Variants in SNTG2 observed in about 807,000 individuals in gnomAD.
SNTG2 encodes the protein gamma-2-syntrophin.
SNTG2 carries 74 observed loss-of-function variants against 70.9 expected under a neutral mutation model. The observed-to-expected ratio is 1.04, with a 90% CI of 0.86 to 1.27. The LOEUF is 1.27. Among genes scored for constraint, SNTG2 ranks in the 50% most tolerant of loss-of-function variants. The pLI is 0.00. For missense variants in SNTG2, 717 were observed against 690.7 expected (o/e 1.04, Z -0.43); for synonymous variants, 278 against 273.8 (o/e 1.02, Z -0.15).
chr2:1,148,530 C>T (rs1346432160), intron 6 of SNTG2, among the ~76,000 whole-genome samples: 3 of 152,208 alleles, frequency 2.0e-5, no homozygotes, highest in African/African-American at 7.2e-5. Context: ...TGCCTGTGAG[C>T]TCTTCATGCT....
At chr2:1,225,847 A>T (rs971943583) in intron 9 of SNTG2, among the ~76,000 whole-genome samples, 1 of 152,204 alleles carries the variant, frequency 6.6e-6, no homozygotes, top group African/African-American at 2.4e-5. Flanking sequence ...TTGACTCAGG[A>T]GGTGCAGCCC....
At chr2:969,400 A>C (rs1660668999) in intron 1 of SNTG2, among the ~76,000 whole-genome samples, 1 of 151,740 alleles carries the variant, frequency 6.6e-6, no homozygotes, top group African/African-American at 2.4e-5. Context: ...TAATTCTGTG[A>C]AGAATGTCCT....
At chr2:1,228,832 G>A (rs942192894) in intron 9 of SNTG2, among the ~76,000 whole-genome samples, 2 of 152,212 alleles carry the variant, frequency 1.3e-5, no homozygotes, top group Admixed American at 6.5e-5. Flanking sequence ...AGGGCAGCGC[G>A]TCTGGAGTTT....
At chr2:1,206,950 C>A (rs1464477411) in intron 8 of SNTG2, among the ~76,000 whole-genome samples, 6 of 152,188 alleles carry the variant, frequency 3.9e-5, no homozygotes, top group African/African-American at 1.4e-4. Context: ...ACCTTTGAAT[C>A]AGCAACAAGG....
intron 12 of SNTG2, among the ~76,000 whole-genome samples, chr2:1,252,808 T>C (rs1433662920): frequency 6.6e-6 from 1 of 152,140 alleles, no homozygotes; most frequent in African/African-American, 2.4e-5. Flanking sequence ...TGTAAAAGCA[T>C]TTGAATCTAA....
intron 8 of SNTG2, among the ~76,000 whole-genome samples, chr2:1,177,098 G>C (rs1288876855): frequency 1.3e-5 from 2 of 152,144 alleles, no homozygotes. Flanking sequence ...ATCAATGATA[G>C]ACTTGATAAA....
chr2:1,217,609 C>T (rs1179539022), intron 9 of SNTG2, among the ~76,000 whole-genome samples: 2 of 152,178 alleles, frequency 1.3e-5, no homozygotes, highest in African/African-American at 2.4e-5. Context: ...TTAGCATAAC[C>T]ATGCGATCCT....
chr2:1,085,896 T>C (rs559389954), intron 2 of SNTG2, among the ~76,000 whole-genome samples: 9 of 152,350 alleles, frequency 5.9e-5, no homozygotes, highest in Admixed American at 1.3e-4. Context: ...ATGTTGGTAC[T>C]TTGAATTAAT....
chr2:1,052,700 A>G (rs1052168447), intron 1 of SNTG2, among the ~76,000 whole-genome samples: 22 of 152,210 alleles, frequency 1.4e-4, no homozygotes, highest in African/African-American at 4.8e-4. Flanking sequence ...TTTATAGACA[A>G]TTCTGCCATC....
At chr2:1,134,855 C>T (rs891259261) in intron 4 of SNTG2, among the ~76,000 whole-genome samples, 1 of 152,164 alleles carries the variant, frequency 6.6e-6, no homozygotes, top group Admixed American at 6.5e-5. Flanking sequence ...CTGCAGGTCC[C>T]GAGCCCTGCC....
chr2:1,000,265 AAAAT>A (rs1661823031), intron 1 of SNTG2, among the ~76,000 whole-genome samples: 3 of 152,078 alleles, frequency 2.0e-5, no homozygotes, highest in Admixed American at 2.0e-4. Context: ...CTAACAGAAG[AAAAT>A]AAATAAAGAT....
intron 1 of SNTG2, among the ~76,000 whole-genome samples, chr2:1,022,996 G>T (rs1223475515): frequency 6.6e-6 from 1 of 152,160 alleles, no homozygotes; most frequent in East Asian, 1.9e-4. Flanking sequence ...TGTGAGACTG[G>T]CAGCAAATGA....
chr2:967,296 T>G (rs1185600679), intron 1 of SNTG2, among the ~76,000 whole-genome samples: 1 of 152,180 alleles, frequency 6.6e-6, no homozygotes, highest in Non-Finnish European at 1.5e-5. Flanking sequence ...CTTGCCTTAT[T>G]CCCTATCTTA....
At chr2:1,334,943 A>G (rs1659724890) in intron 16 of SNTG2, among the ~76,000 whole-genome samples, 1 of 152,232 alleles carries the variant, frequency 6.6e-6, no homozygotes, top group Non-Finnish European at 1.5e-5. Context: ...TTGAAATAAA[A>G]ATAAAAATGA....
intron 8 of SNTG2, among the ~76,000 whole-genome samples, chr2:1,177,415 A>G (rs1671552051): frequency 6.6e-6 from 1 of 152,128 alleles, no homozygotes; most frequent in African/African-American, 2.4e-5. Flanking sequence ...TAGGTGCAGC[A>G]AACCACCATG....
At chr2:1,141,761 G>A (rs1303890970) in intron 6 of SNTG2, among the ~76,000 whole-genome samples, 1 of 143,476 alleles carries the variant, frequency 7.0e-6, no homozygotes, top group African/African-American at 2.6e-5. Flanking sequence ...CCACCAGTAG[G>A]ACACATATCT....
intron 6 of SNTG2, among the ~76,000 whole-genome samples, chr2:1,162,018 G>T (rs1670333267): frequency 7.0e-6 from 1 of 141,890 alleles, no homozygotes; most frequent in Non-Finnish European, 1.5e-5. Context: ...AGCTTGCAGT[G>T]GGCCCAGATG....
chr2:1,309,423 A>C (rs1680869572), intron 15 of SNTG2, among the ~76,000 whole-genome samples: 1 of 152,240 alleles, frequency 6.6e-6, no homozygotes, highest in Non-Finnish European at 1.5e-5. Context: ...ACAAAAAGCA[A>C]GACAAAAACC....
chr2:1,237,431 G>A (rs28716824), intron 9 of SNTG2, among the ~76,000 whole-genome samples: 48,175 of 151,852 alleles, frequency 0.32, 9,137 homozygotes, highest in African/African-American at 0.54. Context: ...TCATGGAGCA[G>A]TGGAAGGGGA....
Sources: allele counts gnomAD v4.1 joint callset (sites outside exome capture counted in the v4.1 genomes callset), GRCh38; gene constraint gnomAD v4.1.1; transcripts MANE v1.5; gene names NCBI Gene and HGNC (gene_info 2026-07-23, HGNC 2026-07-21).